RALYL: variants seen among roughly 807,000 people sequenced by gnomAD.
RALYL encodes the protein RNA-binding Raly-like protein.
A neutral mutation model predicts 35.1 loss-of-function variants in RALYL; 29 were observed. The observed-to-expected ratio is 0.83, with a 90% confidence interval of 0.61 to 1.13. RALYL has a LOEUF of 1.13. RALYL is among the 50% of genes most tolerant of loss of function. The pLI, the probability that RALYL is intolerant of heterozygous loss-of-function variation, is 0.00. For missense variants in RALYL, 359 were observed against 360.4 expected (o/e 1.00, Z 0.03); for synonymous variants, 120 against 127.6 (o/e 0.94, Z 0.40).
In RALYL at chr8:84,266,217, A is replaced by AT. The variant is rs146379257; in HGVS notation, c.-24+81804dup. Among the ~76,000 whole-genome samples, 820 of 146,380 alleles carry AT rather than the reference A, an allele frequency of 5.6e-3. 4 individuals carry two copies. The highest frequency in any genetic ancestry group is 9.0e-3 in the African/African-American group (360 of 39,966). On this transcript the variant is annotated intron_variant, in intron 1 of 8. Coordinates refer to ENST00000521268, the MANE Select transcript of RALYL (RefSeq NM_173848.7). ...TACCTCTTGGTTTTTTGCCAGTGTG[A>AT]TTTTTTTTTTTGCCTGTCTCATTCC...
At chr8:84,456,080 G>A (rs2050099139) in intron 1 of RALYL, among the ~76,000 whole-genome samples, 1 of 151,838 alleles carries the variant, frequency 6.6e-6, no homozygotes, top group Non-Finnish European at 1.5e-5. Context: ...TCTGTTCCGA[G>A]GGTAAAATGT....
chr8:84,865,251 T>A (rs1326002498), intron 6 of RALYL, among the ~76,000 whole-genome samples: 1 of 152,158 alleles, frequency 6.6e-6, no homozygotes, highest in Non-Finnish European at 1.5e-5. Flanking sequence ...AAATTTAAAA[T>A]ATACTATGTT....
intron 2 of RALYL, among the ~76,000 whole-genome samples, chr8:84,594,977 G>T (rs1162332866): frequency 6.6e-6 from 1 of 152,080 alleles, no homozygotes; most frequent in Non-Finnish European, 1.5e-5. Flanking sequence ...ACAGGTTGGA[G>T]TATGGATGTT....
At chr8:84,909,040 C>T (rs1409918032) in intron 8 of RALYL, among the ~76,000 whole-genome samples, 1 of 152,110 alleles carries the variant, frequency 6.6e-6, no homozygotes. Context: ...AGGATCTCAG[C>T]AGGCAGATGG....
At chr8:84,464,943 T>A (rs1158094994) in intron 1 of RALYL, among the ~76,000 whole-genome samples, 2 of 123,654 alleles carry the variant, frequency 1.6e-5, no homozygotes, top group African/African-American at 6.1e-5. Flanking sequence ...TATCTTCTTT[T>A]GAGAAGTGTC....
chr8:84,637,352 T>C (rs943186669), intron 2 of RALYL, among the ~76,000 whole-genome samples: 3 of 151,794 alleles, frequency 2.0e-5, no homozygotes, highest in Non-Finnish European at 4.4e-5. Context: ...GTAGTAGTAG[T>C]AGTAGTAATA....
intron 2 of RALYL, among the ~76,000 whole-genome samples, chr8:84,585,478 G>T (rs1256109115): frequency 9.2e-5 from 14 of 151,936 alleles, no homozygotes; most frequent in Non-Finnish European, 2.9e-5. Context: ...TTTTATTTTT[G>T]TTAATAAAGG....
chr8:84,323,346 T>C (rs377144253), intron 1 of RALYL, among the ~76,000 whole-genome samples: 21 of 152,182 alleles, frequency 1.4e-4, no homozygotes, highest in Admixed American at 4.6e-4. Context: ...AACTCTAATG[T>C]ATCATAAATT....
At position 84,448,656 on chromosome 8, in the gene RALYL, C is replaced by T. The variant is rs191430484; in HGVS notation, c.-23-80643C>T. On this transcript the variant is annotated intron_variant, in intron 1 of 8. Transcript: ENST00000521268. ...TCTCTGAATTGTGGGATCCTTGACT[C>T]TAGTTAGGTAAAAACTGCAAAATGA... Among the ~76,000 whole-genome samples the T allele has an allele frequency of 1.4e-3, 220 of 152,126 alleles. 2 individuals carry two copies. The highest frequency in any genetic ancestry group is 4.7e-3 in the African/African-American group (197 of 41,532).
chr8:84,296,090 G>A (rs937910678), intron 1 of RALYL, among the ~76,000 whole-genome samples: 5 of 152,086 alleles, frequency 3.3e-5, no homozygotes, highest in Non-Finnish European at 7.4e-5. Context: ...ATCCTAATAG[G>A]TATTGTCCCT....
At chr8:84,689,549 T>C (rs961848765) in intron 2 of RALYL, among the ~76,000 whole-genome samples, 1 of 152,146 alleles carries the variant, frequency 6.6e-6, no homozygotes, top group African/African-American at 2.4e-5. Flanking sequence ...CGTGTGCATG[T>C]GTCTTTATAG....
chr8:84,711,149 A>G (rs1842118772), intron 2 of RALYL, among the ~76,000 whole-genome samples: 1 of 152,126 alleles, frequency 6.6e-6, no homozygotes, highest in Non-Finnish European at 1.5e-5. Flanking sequence ...GGATAATTGA[A>G]GGACCAAGAA....
At chr8:84,620,830 C>T (rs537686304) in intron 2 of RALYL, among the ~76,000 whole-genome samples, 1 of 152,244 alleles carries the variant, frequency 6.6e-6, no homozygotes, top group East Asian at 1.9e-4. Context: ...CCCTCAGCTG[C>T]AGGTCTGCTG....
At chr8:84,674,187 G>A (rs1833773207) in intron 2 of RALYL, among the ~76,000 whole-genome samples, 1 of 152,074 alleles carries the variant, frequency 6.6e-6, no homozygotes, top group Non-Finnish European at 1.5e-5. Context: ...ACTGTTGTTG[G>A]TGTATAAGAA....
intron 2 of RALYL, among the ~76,000 whole-genome samples, chr8:84,747,699 AAAT>A (rs1808944210): frequency 6.6e-6 from 1 of 151,952 alleles, no homozygotes; most frequent in African/African-American, 2.4e-5. Flanking sequence ...TTGAACAGAA[AAAT>A]AATAATAGTG....
At chr8:84,730,845 G>C (rs1468816393) in intron 2 of RALYL, among the ~76,000 whole-genome samples, 2 of 152,120 alleles carry the variant, frequency 1.3e-5, no homozygotes, top group East Asian at 1.9e-4. Flanking sequence ...AAAAACAAAG[G>C]CTGATACTTG....
At position 84,759,748 on chromosome 8, in the gene RALYL, T is replaced by C. The variant is rs1259392121; in HGVS notation, c.257-14831T>C. On this transcript the variant is annotated intron_variant, in intron 2 of 8. Transcript: ENST00000521268. The stretch of plus-strand genomic sequence containing the variant: ...GTTGCACAGATATTGTACAGATTCA[T>C]TTATAATTCAGAAATTGATTATTTC... 3.3e-5 allele frequency among the ~76,000 whole-genome samples: 5 copies of C among 152,334 alleles called. No homozygotes were observed. In the East Asian group the frequency reaches 7.7e-4, roughly 23 times the overall value.
intron 1 of RALYL, among the ~76,000 whole-genome samples, chr8:84,334,312 T>G (rs1454216120): frequency 6.6e-6 from 1 of 152,128 alleles, no homozygotes; most frequent in Non-Finnish European, 1.5e-5. Flanking sequence ...AGTTGATAAT[T>G]AAATTTTATA....
At chr8:84,636,677 G>A (rs1044726953) in intron 2 of RALYL, among the ~76,000 whole-genome samples, 1 of 151,682 alleles carries the variant, frequency 6.6e-6, no homozygotes. Context: ...TATTTTACAA[G>A]CATTTATCTT....
Sources: gnomAD v4.1 joint callset for allele counts (sites outside exome capture counted in the v4.1 genomes callset) on GRCh38, gnomAD v4.1.1 for gene constraint, MANE v1.5 for transcripts, NCBI Gene and HGNC (gene_info 2026-07-23, HGNC 2026-07-21) for gene names.